The following DIS3L2 variants were observed in gnomAD, a reference collection of about 807,000 sequenced individuals.
The protein encoded by DIS3L2 is DIS3 like 3'-5' exoribonuclease 2, also known as DIS3-like exonuclease 2.
DIS3L2 carries 34 observed loss-of-function variants against 97.5 expected under a neutral mutation model. That is an observed-to-expected ratio of 0.35 (90% CI 0.27 to 0.46). The LOEUF (loss-of-function observed/expected upper bound fraction) is 0.46, where lower values mean the gene tolerates loss of function less well. DIS3L2 is among the 20% of genes least tolerant of loss of function. The pLI is 1.00. For synonymous variants in DIS3L2, 435 were observed against 445.2 expected, an observed-to-expected ratio of 0.98 and a Z score of 0.29; for missense variants, 1,038 against 1,146.0, an observed-to-expected ratio of 0.91 and a Z score of 1.36.
chr2:232,039,858 G>A (rs1019859692), intron 5 of DIS3L2, among the ~76,000 whole-genome samples: 2 of 152,186 alleles, frequency 1.3e-5, no homozygotes, highest in African/African-American at 4.8e-5. Flanking sequence ...TGGAGATCAT[G>A]TCCCCAAATG....
chr2:232,219,098 G>A (rs1692425595), intron 10 of DIS3L2, among the ~76,000 whole-genome samples: 1 of 152,186 alleles, frequency 6.6e-6, no homozygotes, highest in Non-Finnish European at 1.5e-5. Flanking sequence ...TCTGTCAGAT[G>A]AAATCGCCTT....
chr2:232,326,743 G>A (rs1168901112), intron 14 of DIS3L2, among the ~76,000 whole-genome samples: 1 of 143,010 alleles, frequency 7.0e-6, no homozygotes, highest in East Asian at 2.0e-4. Flanking sequence ...CTGACTCCCA[G>A]CCCCAGGAGG....
chr2:232,097,248 T>G (rs1236969341), intron 6 of DIS3L2, among the ~76,000 whole-genome samples: 2 of 152,158 alleles, frequency 1.3e-5, no homozygotes, highest in Non-Finnish European at 2.9e-5. Flanking sequence ...TCTCTTCCCT[T>G]ACTTTCTCCT....
At chr2:232,320,276 C>T (rs1695392722) in intron 14 of DIS3L2, among the ~76,000 whole-genome samples, 2 of 152,160 alleles carry the variant, frequency 1.3e-5, no homozygotes, top group Admixed American at 1.3e-4. Context: ...ATGCAGAGCT[C>T]TGCCAAACTC....
Position 232,268,956 on chromosome 2 carries a change from C to T in DIS3L2, c.1659+5516C>T, listed in dbSNP as rs1693915213. ...GGAGGTGGGGAGTAGAGGAATGAAT[C>T]AGTTTAGCATCAGTTCCCTTATTCC... On this transcript the variant is annotated intron_variant, in intron 13 of 20. Transcript: ENST00000325385. This position sits in a 1 kb window ranked among gnomAD's most constrained non-coding sequence, Gnocchi z 4.1. 6.6e-6 allele frequency among the ~76,000 whole-genome samples: 1 copy of T among 152,200 alleles called. No homozygotes were observed. Among genetic ancestry groups the T allele is most frequent in the Admixed American group, 6.5e-5 (1 of 15,286 alleles).
chr2:232,205,211 C>CAT (rs57163508), intron 9 of DIS3L2, among the ~76,000 whole-genome samples: 18,683 of 140,186 alleles, frequency 0.13, 1,244 homozygotes, highest in Middle Eastern at 0.17. Flanking sequence ...AGGCAGTTTA[C>CAT]ATATATATAT....
chr2:232,075,808 T>G (rs1316312352), intron 5 of DIS3L2, among the ~76,000 whole-genome samples: 2 of 152,158 alleles, frequency 1.3e-5, no homozygotes, highest in African/African-American at 4.8e-5. Context: ...CCCAACTGAG[T>G]GTACTGTTAT....
chr2:231,987,241 T>C (rs1444450266), intron 1 of DIS3L2, among the ~76,000 whole-genome samples: 1 of 152,208 alleles, frequency 6.6e-6, no homozygotes, highest in Admixed American at 6.5e-5. Flanking sequence ...TAATCTCTCA[T>C]CTTTCTGGAA....
Position 232,321,599 on chromosome 2 carries a change from G to GCGCCTT in DIS3L2, c.1740-8211_1740-8206dup, listed in dbSNP as rs771827739. The stretch of plus-strand genomic sequence containing the variant: ...GTCAGCAAAGGAGAGGCTGCACAGG[G>GCGCCTT]CGCCTTCGGCAGTGACGCGAAACCA... On this transcript the variant is annotated intron_variant, in intron 14 of 20. Transcript: ENST00000325385. Among the ~76,000 whole-genome samples the GCGCCTT allele has an allele frequency of 7.2e-4, 110 of 152,276 alleles. 1 individual carries two copies. The highest frequency in any genetic ancestry group is 6.2e-4 in the Non-Finnish European group (42 of 68,020).
At chr2:232,005,170 A>T (rs1474927313) in intron 1 of DIS3L2, among the ~76,000 whole-genome samples, 18 of 126,520 alleles carry the variant, frequency 1.4e-4, no homozygotes, top group East Asian at 4.6e-4. Context: ...AAGAATCTTG[A>T]TTTTTTTTTT....
intron 9 of DIS3L2, among the ~76,000 whole-genome samples, chr2:232,176,890 G>T (rs1691180002): frequency 6.8e-6 from 1 of 148,144 alleles, no homozygotes; most frequent in Non-Finnish European, 1.5e-5. Flanking sequence ...GTGCCATGCT[G>T]GTGCGCTGCA....
In DIS3L2 at chr2:232,014,974, C is replaced by A. The variant is rs769111524; in HGVS notation, c.47C>A (p.Pro16His). ...ATGAACCTCCGGCCCCTGGGGACCC[C>A]CAGAGGTAGTAAAAGGAAAATGGAG... ...YRMNLRPLGT[P>H]RGVSAVAGPH... Residue 16 changes from proline to histidine, a missense_variant, in exon 2 of 21, where the codon CCC becomes CAC. Pro to His is a moderately conservative substitution (Grantham distance 77). Coordinates refer to ENST00000325385, the MANE Select transcript of DIS3L2 (RefSeq NM_152383.5). The A allele has an allele frequency of 5.6e-6, 9 of 1,613,762 alleles. No homozygotes were observed. The highest frequency in any genetic ancestry group is 5.9e-6 in the Non-Finnish European group (7 of 1,179,898).
At chr2:232,289,392 C>T (rs11690766) in intron 13 of DIS3L2, among the ~76,000 whole-genome samples, 7,582 of 151,946 alleles carry the variant, frequency 0.05, 310 homozygotes, top group African/African-American at 0.11. Context: ...CCTGCCTCAG[C>T]CTCCCGAGTA....
intron 8 of DIS3L2, among the ~76,000 whole-genome samples, chr2:232,158,857 A>T (rs907796215): frequency 6.6e-6 from 1 of 152,204 alleles, no homozygotes; most frequent in Non-Finnish European, 1.5e-5. Flanking sequence ...AATAATTTTT[A>T]AAATTACTAA....
chr2:232,226,961 C>T (rs1363854595), intron 10 of DIS3L2, among the ~76,000 whole-genome samples: 1 of 151,868 alleles, frequency 6.6e-6, no homozygotes, highest in African/African-American at 2.4e-5. Flanking sequence ...CAGAGCAAGA[C>T]CCTGTCTCAA....
rs563589343 is a variant in DIS3L2, at chr2:232,168,249, CTTA to C, written c.1124+4620_1124+4622del. On this transcript the variant is annotated intron_variant, in intron 9 of 20. Coordinates refer to ENST00000325385, the MANE Select transcript of DIS3L2 (RefSeq NM_152383.5). ...TTTTCAAAATGCAATAATTTTTTTT[CTTA>C]TTGTTAAAATATCACCTTTACCTTG... 6.6e-5 allele frequency among the ~76,000 whole-genome samples: 10 copies of C among 151,798 alleles called. No homozygotes were observed. The East Asian group carries it at 1.9e-3, about 29-fold the overall frequency.
rs577410537 is a variant in DIS3L2, at chr2:232,116,377, T to C, written c.602-14242T>C. On this transcript the variant is annotated intron_variant, in intron 6 of 20. Coordinates refer to ENST00000325385, the MANE Select transcript of DIS3L2 (RefSeq NM_152383.5). ...AATGAAGCCTTTTGGGTAACTGGTGTTTTACCCGTGTCTTTAAGGTTTATG... is the reference window on the plus strand; with the variant it reads ...AATGAAGCCTTTTGGGTAACTGGTGCTTTACCCGTGTCTTTAAGGTTTATG... Among the ~76,000 whole-genome samples, 10 of 152,240 alleles carry C rather than the reference T, an allele frequency of 6.6e-5. No individual in the cohort carries two copies. The South Asian group carries it at 2.1e-3, about 32-fold the overall frequency.
chr2:232,177,254 C>G (rs1468764952), intron 9 of DIS3L2, among the ~76,000 whole-genome samples: 2 of 144,700 alleles, frequency 1.4e-5, no homozygotes, highest in Admixed American at 1.4e-4. Context: ...TGAATAATGC[C>G]GCAATAAACA....
intron 11 of DIS3L2, among the ~76,000 whole-genome samples, chr2:232,239,350 T>G (rs772395024): frequency 3.9e-5 from 6 of 152,164 alleles, no homozygotes; most frequent in Non-Finnish European, 5.9e-5. Context: ...GAGCACCAAT[T>G]ATCTGATGGT....
Sources: allele counts gnomAD v4.1 joint callset (sites outside exome capture counted in the v4.1 genomes callset), GRCh38; gene constraint gnomAD v4.1.1; non-coding constraint Gnocchi (gnomAD v3.1); transcripts MANE v1.5; gene names NCBI Gene and HGNC (gene_info 2026-07-23, HGNC 2026-07-21).